CEP350: variants seen among roughly 807,000 people sequenced by gnomAD.
CEP350 encodes the protein centrosomal protein 350, also known as centrosome-associated protein 350.
A neutral mutation model predicts 331.8 loss-of-function variants in CEP350; 126 were observed. The observed-to-expected ratio is 0.38, with a 90% CI of 0.33 to 0.44. The LOEUF is 0.44. Among genes scored for constraint, CEP350 ranks in the 20% least tolerant of loss-of-function variants. The probability of loss-of-function intolerance (pLI) is 1.00; values close to 1 mark genes in which losing one functional copy is unlikely to be tolerated. For synonymous variants in CEP350, 1,200 were observed against 1,259.5 expected (o/e 0.95, Z 1.00); for missense variants, 3,406 against 3,634.6 (o/e 0.94, Z 1.62).
chr1:180,056,105 T>G (rs966009397), intron 25 of CEP350, among the ~76,000 whole-genome samples: 9 of 152,186 alleles, frequency 5.9e-5, no homozygotes, highest in Non-Finnish European at 1.0e-4. Context: ...ATTGCATGCC[T>G]GCTAATAACA....
intron 7 of CEP350, among the ~76,000 whole-genome samples, chr1:180,005,018 C>T (rs1264710152): frequency 3.4e-5 from 5 of 146,682 alleles, no homozygotes; most frequent in Non-Finnish European, 1.5e-5. Context: ...CCTTTTCTTC[C>T]CTTTCTTTCA....
Position 180,052,943 on chromosome 1 carries a change from A to C in CEP350, c.4793-27A>C, listed in dbSNP as rs776624466. On this transcript the variant is annotated intron_variant, in intron 22 of 37. Coordinates refer to ENST00000367607, the MANE Select transcript of CEP350 (RefSeq NM_014810.5). Reference sequence around the variant, plus strand: ...CCTACTGAGAACAATTATAATGATAAAATCTACTTTCTCCATATTCTTTTA... The same window carrying C: ...CCTACTGAGAACAATTATAATGATACAATCTACTTTCTCCATATTCTTTTA... The C allele has an allele frequency of 1.1e-5, 10 of 883,156 alleles. No individual in the cohort carries two copies. In the African/African-American group the frequency reaches 1.7e-4, roughly 15 times the overall value. 54.7% of individuals were successfully genotyped at this position (883,156 alleles called of 1,614,324 possible). A position where few individuals can be genotyped will look rare whatever the true frequency, so the allele number is the denominator to read the frequency against.
At chr1:180,021,145 ATCT>A (rs1655295891) in intron 12 of CEP350, 136 bp downstream of exon 12, 4 of 621,110 alleles carry the variant, frequency 6.4e-6, no homozygotes, top group Admixed American at 7.7e-5. Flanking sequence ...CGTATTAGTC[ATCT>A]TCTAAATTTC....
In CEP350 at chr1:180,090,545, C is replaced by CA. The variant is rs36128628; in HGVS notation, c.6426-144dup. Among the ~76,000 whole-genome samples, 407 of 77,290 alleles carry CA rather than the reference C, an allele frequency of 5.3e-3. 3 individuals are homozygous for CA. Among genetic ancestry groups the CA allele is most frequent in the African/African-American group, 0.015 (275 of 18,258 alleles). The allele number at this position is 77,290 out of a possible 152,430, so 50.7% of individuals were successfully genotyped here. ...TGGGCGACAGAGCGAGACTCCGTCT[C>CA]AAAAAAAAAAAAAAAAAAAAAAAAA... On this transcript the variant is annotated intron_variant, in intron 32 of 37. Coordinates refer to ENST00000367607, the MANE Select transcript of CEP350 (RefSeq NM_014810.5).
chr1:179,999,002 G>C (rs531745859), intron 6 of CEP350, among the ~76,000 whole-genome samples: 1 of 151,778 alleles, frequency 6.6e-6, no homozygotes, highest in African/African-American at 2.4e-5. Flanking sequence ...CTAGTCATTC[G>C]TGTATCACAT....
chr1:180,112,135 T>C lies in CEP350; in HGVS notation c.*974T>C, dbSNP rs1196484074. 1 of 152,674 alleles carries C rather than the reference T, an allele frequency of 6.5e-6. No homozygotes were observed. The highest frequency in any genetic ancestry group is 2.4e-5 in the African/African-American group (1 of 41,458). The allele number at this position is 152,674 out of a possible 1,614,324, so 9.5% of individuals were successfully genotyped here. ...AAAAAGATATTGTCTATTGTTTGTG[T>C]GCTTGTTTTGCGCTATGGAACATTT... is the stretch of plus-strand genomic sequence containing the variant. On this transcript the variant is annotated 3_prime_UTR_variant, in exon 38 of 38. Transcript: ENST00000367607.
chr1:180,077,296 A>T (rs1659282522), intron 28 of CEP350, among the ~76,000 whole-genome samples: 1 of 152,174 alleles, frequency 6.6e-6, no homozygotes, highest in South Asian at 2.1e-4. Context: ...AGAAACAAAA[A>T]ATATGAAGTA....
chr1:180,106,827 A>G (rs1202102197), intron 37 of CEP350, among the ~76,000 whole-genome samples: 1 of 149,382 alleles, frequency 6.7e-6, no homozygotes, highest in African/African-American at 2.5e-5. Flanking sequence ...TTTTACCTGT[A>G]TCTTACTTAT....
At chr1:179,995,481 T>C (rs1047236935) in intron 5 of CEP350, among the ~76,000 whole-genome samples, 1 of 152,148 alleles carries the variant, frequency 6.6e-6, no homozygotes, top group African/African-American at 2.4e-5. Context: ...GGCACACACC[T>C]GTAATCCCAG....
chr1:179,995,931 A>G (rs907941792), intron 5 of CEP350, among the ~76,000 whole-genome samples: 1 of 152,220 alleles, frequency 6.6e-6, no homozygotes, highest in Non-Finnish European at 1.5e-5. Flanking sequence ...TAGAAGTGAC[A>G]TATATGAAAT....
At chr1:179,979,072 T>G (rs1652082304) in intron 1 of CEP350, among the ~76,000 whole-genome samples, 1 of 152,222 alleles carries the variant, frequency 6.6e-6, no homozygotes, top group Admixed American at 6.5e-5. Flanking sequence ...TTCTTTCCCT[T>G]GGATAAATAT....
chr1:180,035,326 GATGAA>G (rs1332974316), intron 16 of CEP350, among the ~76,000 whole-genome samples: 1 of 152,220 alleles, frequency 6.6e-6, no homozygotes, highest in Non-Finnish European at 1.5e-5. Flanking sequence ...GAAGATAGTT[GATGAA>G]AGTGGCTACA....
chr1:180,010,404 C>CTTTTTTTTT (rs60408983), intron 8 of CEP350, among the ~76,000 whole-genome samples: 2 of 119,810 alleles, frequency 1.7e-5, no homozygotes, highest in Non-Finnish European at 3.5e-5. Context: ...CCCATGTTTG[C>CTTTTTTTTT]TTTTTTTTTT....
intron 16 of CEP350, among the ~76,000 whole-genome samples, chr1:180,034,397 G>A (rs940745557): frequency 6.6e-6 from 1 of 151,784 alleles, no homozygotes; most frequent in African/African-American, 2.4e-5. Context: ...TAGAAGTAAA[G>A]TACATTGTAT....
At chr1:180,078,872 A>G (rs756265871) in intron 29 of CEP350, among the ~76,000 whole-genome samples, 198 bp downstream of exon 29, 58 of 152,316 alleles carry the variant, frequency 3.8e-4, no homozygotes, top group Non-Finnish European at 6.5e-4. Context: ...TTATAAAATC[A>G]TTTGCTATCA....
At chr1:180,104,609 A>T (rs1194161171) in intron 37 of CEP350, among the ~76,000 whole-genome samples, 1 of 152,158 alleles carries the variant, frequency 6.6e-6, no homozygotes, top group African/African-American at 2.4e-5. Flanking sequence ...CCACTTATTA[A>T]CATTGTGATT....
intron 11 of CEP350, among the ~76,000 whole-genome samples, chr1:180,017,726 G>A (rs1655063376): frequency 6.6e-6 from 1 of 152,102 alleles, no homozygotes; most frequent in Admixed American, 6.6e-5. Flanking sequence ...ATGTTTAAAA[G>A]CATGTTACTT....
chr1:180,095,677 A>T lies in CEP350; in HGVS notation c.8666A>T (p.Asn2889Ile). 3.1e-6 allele frequency: 5 copies of T among 1,614,010 alleles called. No homozygotes were observed. Among genetic ancestry groups the T allele is most frequent in the Non-Finnish European group, 4.2e-6 (5 of 1,179,886 alleles). ...GLSSSHKIQKNKAEETIVPLM... is the reference protein window; with the variant it reads ...GLSSSHKIQKIKAEETIVPLM... ...AGCTCTTCTCACAAGATCCAAAAAAATAAGGCAGAAGAAACCATTGTACCT... is the reference window on the plus strand; with the variant it reads ...AGCTCTTCTCACAAGATCCAAAAAATTAAGGCAGAAGAAACCATTGTACCT... Residue 2889 changes from asparagine to isoleucine, a missense_variant, in exon 35 of 38, where the codon AAT (asparagine) becomes ATT (isoleucine). Coordinates refer to ENST00000367607, the MANE Select transcript of CEP350 (RefSeq NM_014810.5).
intron 25 of CEP350, among the ~76,000 whole-genome samples, chr1:180,055,655 T>G (rs1413830918): frequency 6.8e-6 from 1 of 146,462 alleles, no homozygotes; most frequent in African/African-American, 2.5e-5. Flanking sequence ...GGCGCCATTC[T>G]CCTGCCTCAG....
Sources: allele counts gnomAD v4.1 joint callset (sites outside exome capture counted in the v4.1 genomes callset), GRCh38; gene constraint gnomAD v4.1.1; transcripts MANE v1.5; gene names NCBI Gene and HGNC (gene_info 2026-07-23, HGNC 2026-07-21).